ENPP6: variants seen among roughly 807,000 people sequenced by gnomAD.
The protein encoded by ENPP6 is ectonucleotide pyrophosphatase/phosphodiesterase 6.
In ENPP6, 32 loss-of-function variants were observed where a neutral mutation model predicts 42.0. That is an observed-to-expected ratio of 0.76 (90% CI 0.58 to 1.02). The LOEUF is 1.02. Ranked by LOEUF, ENPP6 falls within the 50% of genes least tolerant of loss-of-function variation. ENPP6 has a pLI of 0.00. For synonymous variants in ENPP6, 213 were observed against 216.0 expected (o/e 0.99, Z 0.12); for missense variants, 552 against 566.8 (o/e 0.97, Z 0.27).
intron 6 of ENPP6, among the ~76,000 whole-genome samples, chr4:184,109,303 G>A (rs531631184): frequency 4.5e-4 from 69 of 152,186 alleles, no homozygotes; most frequent in Non-Finnish European, 7.5e-4. Flanking sequence ...AGGAGAATTC[G>A]AAACAGGAAC....
At chr4:184,192,452 G>A (rs1732724030) in intron 1 of ENPP6, among the ~76,000 whole-genome samples, 1 of 152,092 alleles carries the variant, frequency 6.6e-6, no homozygotes, top group African/African-American at 2.4e-5. Flanking sequence ...AATTCAAAAG[G>A]GGTCACAAAC....
At chr4:184,153,866 T>TA (rs909571990) in intron 1 of ENPP6, 133 bp from the exon 2 acceptor site, 889 of 967,898 alleles carry the variant, frequency 9.2e-4, no homozygotes, top group Non-Finnish European at 1.1e-3. Flanking sequence ...CTTTTGACTT[T>TA]AAAAAAAAAT....
intron 1 of ENPP6, among the ~76,000 whole-genome samples, chr4:184,191,582 ACT>A (rs1732713061): frequency 2.0e-5 from 3 of 152,136 alleles, no homozygotes; most frequent in Non-Finnish European, 4.4e-5. Context: ...TGATCCACTC[ACT>A]TCCTGACTAG....
intron 1 of ENPP6, among the ~76,000 whole-genome samples, chr4:184,173,690 G>A (rs1477322887): frequency 6.6e-6 from 1 of 152,192 alleles, no homozygotes; most frequent in African/African-American, 2.4e-5. Flanking sequence ...AAATTACAGA[G>A]TCCAAGTTGA....
intron 1 of ENPP6, among the ~76,000 whole-genome samples, chr4:184,176,668 C>G (rs556552359): frequency 2.6e-5 from 4 of 152,250 alleles, no homozygotes; most frequent in African/African-American, 7.2e-5. Context: ...CTGGTGGGGT[C>G]TGTAGAAGAA....
chr4:184,160,794 T>A (rs1560996868), intron 1 of ENPP6, among the ~76,000 whole-genome samples: 1 of 152,088 alleles, frequency 6.6e-6, no homozygotes, highest in Admixed American at 6.6e-5. Flanking sequence ...ACTGCAGGCA[T>A]CTCTACCTCC....
chr4:184,123,732 C>G (rs905593320), intron 3 of ENPP6, among the ~76,000 whole-genome samples: 5 of 152,110 alleles, frequency 3.3e-5, no homozygotes, highest in African/African-American at 1.2e-4. Context: ...TTCTAATATA[C>G]CCATGCATTT....
In ENPP6 at chr4:184,097,282, G is replaced by A. The variant is rs372564235; in HGVS notation, c.1080C>T (p.Leu360=). ...CCAGGAAGATGCCCCGCATGTCCAT[G>A]AGCTCGTTGTCGTAGCCGTGCCATC... The part of the protein sequence containing the change: ...QRGWHGYDNE[L]MDMRGIFLAF... Residue 360 remains leucine (L), a synonymous_variant, in exon 7 of 8, where the codon CTC becomes CTT. Transcript: ENST00000296741. 3.1e-6 allele frequency: 5 copies of A among 1,614,092 alleles called. No homozygotes were observed. The African/African-American group carries it at 6.7e-5, about 22-fold the overall frequency.
intron 1 of ENPP6, among the ~76,000 whole-genome samples, chr4:184,199,025 G>A (rs531003132): frequency 2.0e-5 from 3 of 152,324 alleles, no homozygotes; most frequent in African/African-American, 7.2e-5. Context: ...AACAGAGAAG[G>A]AGAGAGGCCG....
At chr4:184,119,755 A>G (rs1198173278) in intron 3 of ENPP6, among the ~76,000 whole-genome samples, 2 of 151,988 alleles carry the variant, frequency 1.3e-5, no homozygotes, top group African/African-American at 4.8e-5. Flanking sequence ...TGATATTGCT[A>G]TTCTCATGAT....
At chr4:184,100,363 CCA>C (rs1426674384) in intron 6 of ENPP6, among the ~76,000 whole-genome samples, 2 of 152,212 alleles carry the variant, frequency 1.3e-5, no homozygotes, top group Non-Finnish European at 2.9e-5. Context: ...GAAGGGCCCG[CCA>C]CACACCTCTC....
At chr4:184,124,353 C>A in intron 2 of ENPP6, 81 bp from the exon 3 acceptor site, 2 of 974,226 alleles carry the variant, frequency 2.1e-6, no homozygotes, top group Non-Finnish European at 3.1e-6. Flanking sequence ...GAAGCAAACA[C>A]CATTAGTCAA....
intron 6 of ENPP6, among the ~76,000 whole-genome samples, chr4:184,106,657 C>A (rs773226314): frequency 2.0e-5 from 3 of 152,132 alleles, no homozygotes; most frequent in Non-Finnish European, 2.9e-5. Flanking sequence ...TTGCCCCCAC[C>A]CCAGTACCCT....
At chr4:184,176,866 C>T (rs1452905492) in intron 1 of ENPP6, among the ~76,000 whole-genome samples, 4 of 152,200 alleles carry the variant, frequency 2.6e-5, no homozygotes, top group African/African-American at 9.6e-5. Flanking sequence ...GGGCCTTGGC[C>T]TTGTGAGACT....
rs200817506 is a variant in ENPP6 at position 184,117,885 on chromosome 4, G to T, written c.549C>A (p.Asp183Glu). 37 of 1,614,132 alleles carry T rather than the reference G, an allele frequency of 2.3e-5. No individual in the cohort carries two copies. In the Admixed American group the frequency reaches 4.3e-4, roughly 19 times the overall value. The change falls in exon 4 of 8, where the codon GAC (aspartate) becomes GAA (glutamate). Residue 183 changes from aspartate to glutamate, a missense_variant. Around this residue, in one of 2 missense-constraint regions of ENPP6, gnomAD observed 545 missense variants for 546.3 expected, o/e 1.00. Transcript: ENST00000296741. ...ALDSFKSGRA[D>E]LAAIYHERID... is the part of the protein sequence containing the mutation. Reference sequence around the variant, plus strand: ...TGCGCTCATGGTATATGGCTGCCAGGTCGGCCCGGCCACTCCTGGAGGGAC... The same window carrying T: ...TGCGCTCATGGTATATGGCTGCCAGTTCGGCCCGGCCACTCCTGGAGGGAC...
intron 1 of ENPP6, among the ~76,000 whole-genome samples, chr4:184,198,160 G>A (rs1247483284): frequency 6.6e-6 from 1 of 152,260 alleles, no homozygotes; most frequent in East Asian, 1.9e-4. Flanking sequence ...GGGCTTGGCA[G>A]CAAAACTCCA....
chr4:184,185,076 C>G (rs749369019), intron 1 of ENPP6, among the ~76,000 whole-genome samples: 25 of 152,058 alleles, frequency 1.6e-4, no homozygotes, highest in Admixed American at 4.6e-4. Context: ...TGTATGAATC[C>G]TGAGATAAGT....
chr4:184,126,452 AATT>A (rs1736504542), intron 2 of ENPP6, among the ~76,000 whole-genome samples: 1 of 152,234 alleles, frequency 6.6e-6, no homozygotes, highest in Admixed American at 6.5e-5. Context: ...AATTAATTTT[AATT>A]TAAACAAACA....
intron 7 of ENPP6, among the ~76,000 whole-genome samples, chr4:184,095,163 C>A (rs901187825): frequency 2.0e-5 from 3 of 152,160 alleles, no homozygotes; most frequent in African/African-American, 7.2e-5. Context: ...AAACATTTTG[C>A]AATTAGCGCA....
Sources: allele counts gnomAD v4.1 joint callset (sites outside exome capture counted in the v4.1 genomes callset), GRCh38; gene constraint gnomAD v4.1.1; regional missense constraint gnomAD v4.1.1; transcripts MANE v1.5; gene names NCBI Gene and HGNC (gene_info 2026-07-23, HGNC 2026-07-21).